Variants in ZNF704 observed in about 807,000 individuals in gnomAD.
ZNF704 encodes zinc finger protein 704.
A neutral mutation model predicts 44.7 loss-of-function variants in ZNF704; 10 were observed. The ratio of observed to expected loss-of-function variants is 0.22; its 90% CI spans 0.14 to 0.38. The LOEUF is 0.38. Among genes scored for constraint, ZNF704 ranks in the 10% least tolerant of loss-of-function variants. The probability of loss-of-function intolerance (pLI) is 1.00; values close to 1 mark genes in which losing one functional copy is unlikely to be tolerated. For synonymous variants in ZNF704, 211 were observed against 207.6 expected, an observed-to-expected ratio of 1.02 and a Z score of -0.14; for missense variants, 390 against 545.5, an observed-to-expected ratio of 0.71 and a Z score of 2.84.
chr8:80,673,877 G>C (rs112249777), intron 4 of ZNF704, among the ~76,000 whole-genome samples: 2 of 152,204 alleles, frequency 1.3e-5, no homozygotes, highest in African/African-American at 4.8e-5. Context: ...CATGGGCTTC[G>C]TGAGCCCAGG....
chr8:80,781,995 T>C (rs1415070813), intron 2 of ZNF704, among the ~76,000 whole-genome samples: 1 of 151,396 alleles, frequency 6.6e-6, no homozygotes. Flanking sequence ...TAGCAATAAA[T>C]GGCTTTTGCT....
At chr8:80,816,484 T>C (rs1415937727) in intron 2 of ZNF704, among the ~76,000 whole-genome samples, 1 of 152,220 alleles carries the variant, frequency 6.6e-6, no homozygotes, top group African/African-American at 2.4e-5. Flanking sequence ...TGGATGAACC[T>C]TTCAAACATG....
intron 1 of ZNF704, among the ~76,000 whole-genome samples, chr8:80,848,051 T>C (rs1240132907): frequency 6.6e-6 from 1 of 152,206 alleles, no homozygotes; most frequent in Non-Finnish European, 1.5e-5. Flanking sequence ...AGGTAAACTG[T>C]GGATATTCAC....
chr8:80,848,746 C>T (rs1808809393), intron 1 of ZNF704, among the ~76,000 whole-genome samples: 1 of 151,474 alleles, frequency 6.6e-6, no homozygotes, highest in Non-Finnish European at 1.5e-5. Context: ...GCACTCCAGC[C>T]TGGGTGATGG....
Position 80,664,943 on chromosome 8 carries a change from T to C in ZNF704, c.799A>G (p.Thr267Ala), listed in dbSNP as rs1818165749. 2 of 1,614,036 alleles carry C rather than the reference T, an allele frequency of 1.2e-6. No individual in the cohort carries two copies. Among genetic ancestry groups the C allele is most frequent in the South Asian group, 1.1e-5 (1 of 91,070 alleles). ...SPSQSLASPP[T>A]FPIPDSSRTE... is the part of the protein sequence containing the mutation. ...CGGCTTGAATCTGGGATGGGGAAAGTAGGAGGTGAAGCCAGGGACTGGGAA... is the reference window on the plus strand; with the variant it reads ...CGGCTTGAATCTGGGATGGGGAAAGCAGGAGGTGAAGCCAGGGACTGGGAA... The change falls in exon 6 of 9, where the codon ACT becomes GCT. Residue 267 changes from threonine to alanine, a missense_variant. Thr to Ala is a moderately conservative substitution (Grantham distance 58). This residue lies in a region of ZNF704 where 305 missense variants were observed against 435.7 expected (regional missense o/e 0.70). Transcript: ENST00000327835.
intron 1 of ZNF704, among the ~76,000 whole-genome samples, chr8:80,847,173 AAAAAT>A (rs952901401): frequency 3.9e-5 from 6 of 152,274 alleles, no homozygotes; most frequent in Non-Finnish European, 5.9e-5. Flanking sequence ...ACTCCATCTT[AAAAAT>A]AAAATAAAAT....
chr8:80,659,730 T>C, intron 6 of ZNF704, 41 bp from the exon 7 acceptor site: 7 of 1,483,230 alleles, frequency 4.7e-6, no homozygotes, highest in African/African-American at 1.4e-5. Context: ...TGAAGGAATA[T>C]TTTCCTTCGG....
At chr8:80,797,541 C>T (rs961039728) in intron 2 of ZNF704, among the ~76,000 whole-genome samples, 1 of 152,098 alleles carries the variant, frequency 6.6e-6, no homozygotes, top group African/African-American at 2.4e-5. Flanking sequence ...TTCAGAGTGG[C>T]AGGTTGAGCC....
intron 2 of ZNF704, among the ~76,000 whole-genome samples, chr8:80,744,620 A>G (rs889206557): frequency 9.2e-5 from 14 of 152,220 alleles, no homozygotes; most frequent in Admixed American, 5.9e-4. Context: ...AGTGCATGAC[A>G]TCTTCATCAC....
intron 1 of ZNF704, among the ~76,000 whole-genome samples, chr8:80,872,215 A>G (rs550155815): frequency 6.6e-6 from 1 of 152,274 alleles, no homozygotes; most frequent in African/African-American, 2.4e-5. Context: ...TTTTCAACAG[A>G]CCATGGTAAT....
intron 1 of ZNF704, among the ~76,000 whole-genome samples, chr8:80,852,366 C>T (rs747066961): frequency 6.6e-6 from 1 of 152,150 alleles, no homozygotes; most frequent in Non-Finnish European, 1.5e-5. Context: ...CCACATGAAT[C>T]AATTTTTAAT....
rs1179446539 is a variant in ZNF704 at position 80,846,468 on chromosome 8, T to C, written c.-21-24853A>G. Among the ~76,000 whole-genome samples, 7 of 152,002 alleles carry C rather than the reference T, an allele frequency of 4.6e-5. 1 individual carries two copies. Among genetic ancestry groups the C allele is most frequent in the Non-Finnish European group, 1.0e-4 (7 of 67,990 alleles). ...CTTTGAGGATACTATTACCAGTTCA[T>C]TTAAAAATGACCAGGAGATCTTTGA... is the stretch of plus-strand genomic sequence containing the variant. On this transcript the variant is annotated intron_variant, in intron 1 of 8. Transcript: ENST00000327835.
intron 4 of ZNF704, among the ~76,000 whole-genome samples, chr8:80,681,859 C>G (rs1818458797): frequency 6.6e-6 from 1 of 152,146 alleles, no homozygotes. Context: ...TCCAATGTCC[C>G]AGAGCCTATA....
At chr8:80,786,627 T>A (rs1807618574) in intron 2 of ZNF704, among the ~76,000 whole-genome samples, 2 of 152,162 alleles carry the variant, frequency 1.3e-5, no homozygotes, top group African/African-American at 4.8e-5. Context: ...TGAGGAAAAC[T>A]GTGTACAAAT....
rs896322165 is a variant in ZNF704 at position 80,687,395 on chromosome 8, T to A, written c.389A>T (p.Tyr130Phe). 6.2e-7 allele frequency: 1 copy of A among 1,604,306 alleles called. No homozygotes were observed. Among genetic ancestry groups the A allele is most frequent in the Non-Finnish European group, 8.5e-7 (1 of 1,178,062 alleles). The change falls in exon 4 of 9, where the codon TAC (tyrosine) becomes TTC (phenylalanine). Residue 130 changes from tyrosine (Y) to phenylalanine (F), a missense_variant. Around this residue, in one of 3 missense-constraint regions of ZNF704, gnomAD observed 305 missense variants for 435.7 expected, o/e 0.70. Coordinates refer to ENST00000327835, the MANE Select transcript of ZNF704 (RefSeq NM_001033723.3). ...GTCGCTGGGGGCGCTCCAGCTCCAG[T>A]AGCCGCTGCTGCTGGTGCTGGAAGG... The part of the protein sequence containing the change: ...CVPSSTSSSG[Y>F]WSWSAPSDQS...
intron 2 of ZNF704, among the ~76,000 whole-genome samples, chr8:80,730,326 T>C (rs1357480200): frequency 6.6e-6 from 1 of 151,888 alleles, no homozygotes; most frequent in Non-Finnish European, 1.5e-5. Context: ...TCACCTGAAG[T>C]CAGGAGTTTG....
chr8:80,783,755 TCA>T (rs1807569062), intron 2 of ZNF704, among the ~76,000 whole-genome samples: 1 of 152,128 alleles, frequency 6.6e-6, no homozygotes, highest in African/African-American at 2.4e-5. Context: ...CACCCAAAGA[TCA>T]CAGTTTACAC....
chr8:80,877,185 G>GAAAA (rs5892744), upstream of ZNF704, among the ~76,000 whole-genome samples: 23 of 59,714 alleles, frequency 3.9e-4, 1 homozygote, highest in African/African-American at 1.3e-3. Context: ...CTCTGAATGG[G>GAAAA]AAAAAAAAAA....
chr8:80,672,611 C>T (rs1054976737), intron 4 of ZNF704, among the ~76,000 whole-genome samples: 3 of 152,122 alleles, frequency 2.0e-5, no homozygotes, highest in African/African-American at 4.8e-5. Context: ...TCCCTTGCAG[C>T]AAAATGGACG....
Sources: allele counts gnomAD v4.1 joint callset (sites outside exome capture counted in the v4.1 genomes callset), GRCh38; gene constraint gnomAD v4.1.1; regional missense constraint gnomAD v4.1.1; transcripts MANE v1.5; gene names NCBI Gene and HGNC (gene_info 2026-07-23, HGNC 2026-07-21).